SLC24A2: variants seen among roughly 807,000 people sequenced by gnomAD.
SLC24A2 encodes the protein solute carrier family 24 member 2.
SLC24A2 carries 36 observed loss-of-function variants against 62.0 expected under a neutral mutation model. The observed-to-expected ratio is 0.58, with a 90% CI of 0.44 to 0.77. SLC24A2 has a LOEUF of 0.77. Among genes scored for constraint, SLC24A2 ranks in the 30% least tolerant of loss-of-function variants. The pLI, the probability that SLC24A2 is intolerant of heterozygous loss-of-function variation, is 0.00. For missense variants in SLC24A2, 846 were observed against 817.9 expected, an observed-to-expected ratio of 1.03 and a Z score of -0.42; for synonymous variants, 358 against 294.0, an observed-to-expected ratio of 1.22 and a Z score of -2.23.
At chr9:20,176,593 C>T in the SLC24A2 span, among the ~76,000 whole-genome samples, 9 of 152,006 alleles carry the variant, frequency 5.9e-5, no homozygotes, top group East Asian at 1.9e-4. Context: ...ACTATCTTGC[C>T]GATGAGAAGT....
the SLC24A2 span, among the ~76,000 whole-genome samples, chr9:19,969,745 T>A: frequency 2.0e-4 from 30 of 152,154 alleles, no homozygotes; most frequent in Admixed American, 2.0e-3. Context: ...ACATAATTAC[T>A]TCAAATATTA....
the SLC24A2 span, among the ~76,000 whole-genome samples, chr9:20,233,212 A>G: frequency 6.6e-6 from 1 of 152,088 alleles, no homozygotes; most frequent in African/African-American, 2.4e-5. Context: ...GTTGATTTGG[A>G]GTGGAGAATT....
the SLC24A2 span, among the ~76,000 whole-genome samples, chr9:20,297,940 C>T: frequency 6.6e-5 from 10 of 152,280 alleles, no homozygotes; most frequent in Middle Eastern, 3.4e-3. Flanking sequence ...AGTTCAAGTA[C>T]ACAATATTCC....
chr9:19,747,056 T>C (rs541093330), intron 2 of SLC24A2, among the ~76,000 whole-genome samples: 2 of 152,270 alleles, frequency 1.3e-5, no homozygotes, highest in African/African-American at 2.4e-5. Flanking sequence ...CTTTTTAAAA[T>C]TACAAAATAT....
At chr9:19,979,834 C>T in the SLC24A2 span, among the ~76,000 whole-genome samples, 3 of 152,332 alleles carry the variant, frequency 2.0e-5, no homozygotes, top group South Asian at 2.1e-4. Flanking sequence ...CTTTGTCACT[C>T]ACAACGCAAC....
At chr9:20,139,796 G>T in the SLC24A2 span, among the ~76,000 whole-genome samples, 10 of 152,104 alleles carry the variant, frequency 6.6e-5, no homozygotes, top group African/African-American at 1.4e-4. Context: ...TGTCCCAAAG[G>T]GTTCTCACAC....
chr9:19,579,184 G>A (rs930879734), intron 5 of SLC24A2, among the ~76,000 whole-genome samples: 4 of 152,152 alleles, frequency 2.6e-5, no homozygotes, highest in Admixed American at 2.0e-4. Context: ...AAATCCTGGA[G>A]ACTAGGAAAA....
the SLC24A2 span, among the ~76,000 whole-genome samples, chr9:19,901,313 G>A: frequency 1.3e-5 from 2 of 152,298 alleles, no homozygotes; most frequent in African/African-American, 2.4e-5. Flanking sequence ...TACACAGTAG[G>A]CAGCATTGCA....
the SLC24A2 span, among the ~76,000 whole-genome samples, chr9:19,846,785 G>A: frequency 2.0e-5 from 3 of 152,228 alleles, no homozygotes; most frequent in South Asian, 4.2e-4. Flanking sequence ...CCAGCACTTT[G>A]GGAGGCTGAG....
the SLC24A2 span, among the ~76,000 whole-genome samples, chr9:20,082,987 T>C: frequency 7.9e-5 from 12 of 152,342 alleles, no homozygotes; most frequent in African/African-American, 2.9e-4. Flanking sequence ...GTGCCTTTTC[T>C]TGGCATGAAT....
intron 9 of SLC24A2, among the ~76,000 whole-genome samples, chr9:19,524,505 A>G (rs1240282725): frequency 6.6e-6 from 1 of 151,942 alleles, no homozygotes; most frequent in African/African-American, 2.4e-5. Context: ...TAGCCAAATT[A>G]TCAAATAGCA....
chr9:20,305,017 A>G, the SLC24A2 span, among the ~76,000 whole-genome samples: 2 of 152,054 alleles, frequency 1.3e-5, 1 homozygote. Context: ...CCCACACTGG[A>G]GAGTGGATTG....
At chr9:19,709,520 G>C (rs529956117) in intron 2 of SLC24A2, among the ~76,000 whole-genome samples, 7 of 151,940 alleles carry the variant, frequency 4.6e-5, no homozygotes, top group Admixed American at 4.6e-4. Context: ...GTCCAACAAC[G>C]ATAGACTGGA....
intron 7 of SLC24A2, among the ~76,000 whole-genome samples, chr9:19,560,944 G>GAGAGACAGACAGAC (rs1381180216): frequency 3.6e-4 from 51 of 143,204 alleles, no homozygotes; most frequent in African/African-American, 9.8e-4. Context: ...GAGAGAGAGA[G>GAGAGACAGACAGAC]AGACAGAGTC....
intron 2 of SLC24A2, among the ~76,000 whole-genome samples, chr9:19,685,440 C>G (rs928345081): frequency 6.6e-6 from 1 of 152,074 alleles, no homozygotes; most frequent in African/African-American, 2.4e-5. Flanking sequence ...CAAAAAGGAG[C>G]TCAAATAGCC....
At chr9:19,982,681 T>C in the SLC24A2 span, among the ~76,000 whole-genome samples, 1 of 152,114 alleles carries the variant, frequency 6.6e-6, no homozygotes, top group Non-Finnish European at 1.5e-5. Context: ...CCTAACTTAT[T>C]CTATAAGGCT....
At chr9:20,074,606 G>GT in the SLC24A2 span, among the ~76,000 whole-genome samples, 10 of 47,086 alleles carry the variant, frequency 2.1e-4, no homozygotes, top group East Asian at 1.3e-3. Flanking sequence ...AGGAAGGAAA[G>GT]AAGGGAGTGA....
At chr9:19,976,361 C>T in the SLC24A2 span, among the ~76,000 whole-genome samples, 6 of 152,198 alleles carry the variant, frequency 3.9e-5, no homozygotes, top group Non-Finnish European at 8.8e-5. Context: ...ATGCCCCTTG[C>T]TATTCTTATG....
chr9:19,670,456 T>G (rs1202539290), intron 2 of SLC24A2, among the ~76,000 whole-genome samples: 1 of 152,214 alleles, frequency 6.6e-6, no homozygotes, highest in Non-Finnish European at 1.5e-5. Context: ...TTCCTATGCA[T>G]GATTTTGCTC....
Sources: allele counts gnomAD v4.1 joint callset (sites outside exome capture counted in the v4.1 genomes callset), GRCh38; gene constraint gnomAD v4.1.1; transcripts MANE v1.5; gene names NCBI Gene and HGNC (gene_info 2026-07-23, HGNC 2026-07-21).